Variants in TENM2 observed in about 807,000 individuals in gnomAD.
TENM2 encodes the protein teneurin transmembrane protein 2.
In TENM2, 52 loss-of-function variants were observed where a neutral mutation model predicts 245.2. The observed-to-expected ratio is 0.21, with a 90% CI of 0.17 to 0.27. TENM2 has a LOEUF of 0.27. TENM2 is among the 10% of genes least tolerant of loss of function. The probability of loss-of-function intolerance (pLI) is 1.00; values close to 1 mark genes in which losing one functional copy is unlikely to be tolerated. For synonymous variants in TENM2, 1,363 were observed against 1,438.9 expected, an observed-to-expected ratio of 0.95 and a Z score of 1.19; for missense variants, 3,046 against 3,666.8, an observed-to-expected ratio of 0.83 and a Z score of 4.37.
intron 2 of TENM2, among the ~76,000 whole-genome samples, chr5:167,631,567 T>C (rs1465306618): frequency 1.3e-5 from 2 of 152,064 alleles, no homozygotes. Context: ...GTGAGCGAAC[T>C]CATGACTGCT....
intron 8 of TENM2, among the ~76,000 whole-genome samples, chr5:168,094,289 C>T (rs959276631): frequency 2.0e-5 from 3 of 151,814 alleles, no homozygotes; most frequent in East Asian, 1.9e-4. Flanking sequence ...GCAAAGATCT[C>T]GGGCCTTTTC....
intron 2 of TENM2, among the ~76,000 whole-genome samples, chr5:167,794,244 C>T (rs763662453): frequency 3.3e-5 from 5 of 152,042 alleles, no homozygotes; most frequent in Admixed American, 6.6e-5. Flanking sequence ...CCAAATAAAA[C>T]ACTTGTTTGA....
At chr5:167,384,274 T>C (rs1484651458) in intron 2 of TENM2, among the ~76,000 whole-genome samples, 1 of 152,188 alleles carries the variant, frequency 6.6e-6, no homozygotes, top group Non-Finnish European at 1.5e-5. Flanking sequence ...TATGTTAGCA[T>C]ACTGGTACAG....
intron 2 of TENM2, among the ~76,000 whole-genome samples, chr5:167,558,369 G>A (rs1375291574): frequency 6.6e-6 from 1 of 152,162 alleles, no homozygotes; most frequent in East Asian, 1.9e-4. Flanking sequence ...CACAGATATT[G>A]TTACTTAAGA....
chr5:167,558,165 C>G (rs895101206), intron 2 of TENM2, among the ~76,000 whole-genome samples: 1 of 152,176 alleles, frequency 6.6e-6, no homozygotes, highest in East Asian at 1.9e-4. Context: ...GCTAGAAGCT[C>G]CAGCCTGTGC....
At chr5:167,677,113 G>T (rs1315678886) in intron 2 of TENM2, among the ~76,000 whole-genome samples, 1 of 152,080 alleles carries the variant, frequency 6.6e-6, no homozygotes, top group Non-Finnish European at 1.5e-5. Flanking sequence ...CTCTTTCTCA[G>T]TTCCTAGTCT....
chr5:167,924,915 C>T (rs890719115), intron 3 of TENM2, among the ~76,000 whole-genome samples: 4 of 152,162 alleles, frequency 2.6e-5, no homozygotes, highest in Non-Finnish European at 5.9e-5. Flanking sequence ...TGTAGAGTAC[C>T]TCACATACTC....
At chr5:168,174,707 A>T (rs1003510863) in intron 13 of TENM2, among the ~76,000 whole-genome samples, 4 of 152,158 alleles carry the variant, frequency 2.6e-5, no homozygotes, top group Non-Finnish European at 5.9e-5. Context: ...GGGCCAGCTG[A>T]TGAGGAGAGA....
intron 2 of TENM2, among the ~76,000 whole-genome samples, chr5:167,581,292 C>CAA (rs1429309014): frequency 6.6e-6 from 1 of 152,018 alleles, no homozygotes; most frequent in East Asian, 1.9e-4. Flanking sequence ...TGCTAAAAGG[C>CAA]AAAAAGTGGT....
At chr5:167,929,135 AAAG>A (rs1170233266) in intron 3 of TENM2, among the ~76,000 whole-genome samples, 1 of 142,764 alleles carries the variant, frequency 7.0e-6, no homozygotes, top group Non-Finnish European at 1.5e-5. Flanking sequence ...GAAAGAAAAG[AAAG>A]AAGGGAGGGA....
chr5:167,988,000 T>C (rs1378013367), intron 4 of TENM2, among the ~76,000 whole-genome samples: 1 of 152,146 alleles, frequency 6.6e-6, no homozygotes, highest in African/African-American at 2.4e-5. Flanking sequence ...TCAGCTGCAA[T>C]CATCACAGAC....
At chr5:168,064,468 A>G (rs1357648251) in intron 7 of TENM2, among the ~76,000 whole-genome samples, 2 of 152,182 alleles carry the variant, frequency 1.3e-5, no homozygotes. Flanking sequence ...GCCAATGATC[A>G]TGGCAAGTCA....
At chr5:167,441,955 C>T (rs778242504) in intron 2 of TENM2, among the ~76,000 whole-genome samples, 1 of 152,056 alleles carries the variant, frequency 6.6e-6, no homozygotes, top group Admixed American at 6.6e-5. Context: ...CTTGGGTAAA[C>T]CCCCTAAGCT....
At chr5:167,478,859 C>T (rs887735102) in intron 2 of TENM2, among the ~76,000 whole-genome samples, 4 of 152,118 alleles carry the variant, frequency 2.6e-5, no homozygotes, top group African/African-American at 9.7e-5. Flanking sequence ...TTTATCTTAG[C>T]CCCACCCCTT....
chr5:168,193,191 A>G (rs575078880), intron 14 of TENM2, among the ~76,000 whole-genome samples: 7 of 152,378 alleles, frequency 4.6e-5, no homozygotes, highest in Non-Finnish European at 7.3e-5. Context: ...GCATGGATAC[A>G]TAATTCAGAA....
chr5:167,694,033 AT>A (rs774878329), intron 2 of TENM2, among the ~76,000 whole-genome samples: 8 of 152,328 alleles, frequency 5.3e-5, no homozygotes, highest in South Asian at 4.1e-4. Flanking sequence ...CTTATCTAAG[AT>A]TTTTAGAAAG....
intron 2 of TENM2, among the ~76,000 whole-genome samples, chr5:167,482,098 A>T (rs1252462505): frequency 6.6e-6 from 1 of 152,210 alleles, no homozygotes; most frequent in African/African-American, 2.4e-5. Flanking sequence ...TGATTACAAA[A>T]GTCATATGTA....
chr5:166,979,191 CCACCAGCAGCAGCAG>C, the TENM2 span, among the ~76,000 whole-genome samples: 63 of 85,270 alleles, frequency 7.4e-4, no homozygotes, highest in East Asian at 4.2e-3. Flanking sequence ...AGCAGCACCA[CCACCAGCAGCAGCAG>C]CAGCAGCAGC....
At chr5:167,499,070 C>A (rs781622077) in intron 2 of TENM2, among the ~76,000 whole-genome samples, 5 of 152,124 alleles carry the variant, frequency 3.3e-5, no homozygotes, top group Non-Finnish European at 7.3e-5. Flanking sequence ...TCTCTTCCTT[C>A]CCTCAGTTGA....
Sources: allele counts gnomAD v4.1 joint callset (sites outside exome capture counted in the v4.1 genomes callset), GRCh38; gene constraint gnomAD v4.1.1; transcripts MANE v1.5; gene names NCBI Gene and HGNC (gene_info 2026-07-23, HGNC 2026-07-21).